The following CSMD1 variants were observed in gnomAD, a reference collection of about 807,000 sequenced individuals.
The protein encoded by CSMD1 is CUB and Sushi multiple domains 1.
CSMD1 carries 213 observed loss-of-function variants against 417.5 expected under a neutral mutation model. The ratio of observed to expected loss-of-function variants is 0.51; its 90% CI spans 0.46 to 0.57. The LOEUF is 0.57. CSMD1 is among the 20% of genes least tolerant of loss of function. The pLI, the probability that CSMD1 is intolerant of heterozygous loss-of-function variation, is 0.00. For missense variants in CSMD1, 6,923 were observed against 4,529.7 expected, an observed-to-expected ratio of 1.53 and a Z score of -15.17; for synonymous variants, 2,862 against 1,736.8, an observed-to-expected ratio of 1.65 and a Z score of -16.11.
chr8:3,314,138 G>A (rs1242191690), intron 23 of CSMD1, among the ~76,000 whole-genome samples: 2 of 151,722 alleles, frequency 1.3e-5, no homozygotes, highest in Non-Finnish European at 2.9e-5. Context: ...GGGGAGTGGG[G>A]AGGGATAGCA....
chr8:3,384,653 T>C lies in CSMD1; in HGVS notation c.2782+2841A>G, dbSNP rs549163126. On this transcript the variant is annotated intron_variant, in intron 18 of 69. Transcript: ENST00000635120. ...CTATTTATATATTGCTATATACATA[T>C]AAATTAATATAGATGCTATTTATAT... 1.4e-4 allele frequency among the ~76,000 whole-genome samples: 19 copies of C among 137,830 alleles called. No homozygotes were observed. In the East Asian group the frequency reaches 3.9e-3, roughly 28 times the overall value. The allele number at this position is 137,830 out of a possible 152,430, so 90.4% of individuals were successfully genotyped here.
intron 1 of CSMD1, among the ~76,000 whole-genome samples, chr8:4,949,204 C>A (rs79471000): frequency 6.6e-6 from 1 of 152,044 alleles, no homozygotes; most frequent in Admixed American, 6.6e-5. Flanking sequence ...AATACCATTG[C>A]ATTTGGTTTG....
chr8:3,422,212 G>A (rs1232748806), intron 12 of CSMD1, among the ~76,000 whole-genome samples: 1 of 152,082 alleles, frequency 6.6e-6, no homozygotes, highest in East Asian at 1.9e-4. Context: ...ACCATGAAGG[G>A]GCTGCTGTTT....
intron 2 of CSMD1, among the ~76,000 whole-genome samples, chr8:4,564,258 A>G (rs967107697): frequency 6.6e-6 from 1 of 152,206 alleles, no homozygotes; most frequent in African/African-American, 2.4e-5. Context: ...TACAGATAAC[A>G]GTTTTATAAT....
At chr8:3,141,978 T>C (rs866634803) in intron 41 of CSMD1, among the ~76,000 whole-genome samples, 13 of 152,018 alleles carry the variant, frequency 8.6e-5, no homozygotes, top group Non-Finnish European at 8.8e-5. Flanking sequence ...TTGGTATTTT[T>C]AGTAGAGACG....
chr8:4,031,026 A>G (rs1323826563), intron 4 of CSMD1, among the ~76,000 whole-genome samples: 1 of 152,166 alleles, frequency 6.6e-6, no homozygotes, highest in Non-Finnish European at 1.5e-5. Context: ...CCAGGATTTC[A>G]TTGTCCATAT....
chr8:3,598,470 C>T lies in CSMD1; in HGVS notation c.1098-12210G>A, dbSNP rs139905682. Among the ~76,000 whole-genome samples, 67 of 152,250 alleles carry T rather than the reference C, an allele frequency of 4.4e-4. 1 individual carries two copies. Among genetic ancestry groups the T allele is most frequent in the South Asian group, 2.1e-4 (1 of 4,816 alleles). ...GGCTCTTCTTCCTTCTGGGACCGAC[C>T]GCCCCATAGGCTCAAGTGGGGACAT... On this transcript the variant is annotated intron_variant, in intron 8 of 69. Coordinates refer to ENST00000635120, the MANE Select transcript of CSMD1 (RefSeq NM_033225.6).
At chr8:4,166,274 A>G (rs1797450944) in intron 3 of CSMD1, among the ~76,000 whole-genome samples, 1 of 152,210 alleles carries the variant, frequency 6.6e-6, no homozygotes, top group African/African-American at 2.4e-5. Context: ...AAAATACATA[A>G]ACATAAAAGT....
chr8:4,435,014 G>C (rs184726639), intron 2 of CSMD1, among the ~76,000 whole-genome samples: 2 of 152,092 alleles, frequency 1.3e-5, no homozygotes, highest in Admixed American at 6.6e-5. Context: ...TACTCTTGGA[G>C]ACATTTAAGA....
intron 5 of CSMD1, among the ~76,000 whole-genome samples, chr8:3,813,980 C>T (rs1009484777): frequency 5.2e-4 from 79 of 152,104 alleles, no homozygotes; most frequent in African/African-American, 1.9e-3. Flanking sequence ...TGATTCTTAC[C>T]TAAGTAAAAG....
At chr8:3,810,580 G>T (rs191797430) in intron 5 of CSMD1, among the ~76,000 whole-genome samples, 2 of 152,162 alleles carry the variant, frequency 1.3e-5, no homozygotes, top group Admixed American at 1.3e-4. Flanking sequence ...GGGTTAGAAG[G>T]AGGCTTCTCC....
intron 1 of CSMD1, among the ~76,000 whole-genome samples, chr8:4,854,030 C>A (rs1177212478): frequency 6.6e-6 from 1 of 152,004 alleles, no homozygotes; most frequent in Non-Finnish European, 1.5e-5. Flanking sequence ...TGGAAGTATG[C>A]AACTTGGTTT....
intron 1 of CSMD1, among the ~76,000 whole-genome samples, chr8:4,719,507 A>G (rs1176425360): frequency 6.6e-6 from 1 of 151,862 alleles, no homozygotes; most frequent in Non-Finnish European, 1.5e-5. Flanking sequence ...TAAGTAATTT[A>G]GTCCCCACCC....
intron 2 of CSMD1, among the ~76,000 whole-genome samples, chr8:4,459,471 C>A (rs1018597950): frequency 6.6e-6 from 1 of 152,118 alleles, no homozygotes; most frequent in African/African-American, 2.4e-5. Context: ...AGATAGAGGG[C>A]AGGAAATTCA....
chr8:3,889,488 TATATAA>T (rs200241035), intron 5 of CSMD1, among the ~76,000 whole-genome samples: 6,701 of 105,138 alleles, frequency 0.064, 670 homozygotes, highest in African/African-American at 0.081. Flanking sequence ...TATATATATA[TATATAA>T]AATATGCTCA....
intron 3 of CSMD1, among the ~76,000 whole-genome samples, chr8:4,332,123 C>T (rs1799900716): frequency 6.6e-6 from 1 of 152,070 alleles, no homozygotes; most frequent in African/African-American, 2.4e-5. Flanking sequence ...AATTCTACCC[C>T]AAAGTTGTGA....
intron 10 of CSMD1, among the ~76,000 whole-genome samples, chr8:3,573,884 T>G (rs1463631500): frequency 2.0e-5 from 3 of 151,680 alleles, no homozygotes; most frequent in Admixed American, 1.3e-4. Context: ...TTCCTCACAG[T>G]TTTTTTTAAG....
intron 5 of CSMD1, among the ~76,000 whole-genome samples, chr8:3,821,592 G>A (rs900214254): frequency 6.6e-6 from 1 of 152,076 alleles, no homozygotes; most frequent in African/African-American, 2.4e-5. Flanking sequence ...GACCAGCCTG[G>A]CCAACACAGT....
chr8:4,045,182 G>A (rs1323805464), intron 3 of CSMD1, among the ~76,000 whole-genome samples: 3 of 152,132 alleles, frequency 2.0e-5, no homozygotes, highest in African/African-American at 4.8e-5. Flanking sequence ...ACCGGGTGCT[G>A]AGGTACTCAT....
Sources: gnomAD v4.1 joint callset for allele counts (sites outside exome capture counted in the v4.1 genomes callset) on GRCh38, gnomAD v4.1.1 for gene constraint, MANE v1.5 for transcripts, NCBI Gene and HGNC (gene_info 2026-07-23, HGNC 2026-07-21) for gene names.